Variants in CEP43 observed in about 807,000 individuals in gnomAD.
CEP43 encodes the protein centrosomal protein 43, also known as FGFR1 oncogene partner.
In CEP43, 36 loss-of-function variants were observed where a neutral mutation model predicts 52.6. That is an observed-to-expected ratio of 0.68 (90% CI 0.52 to 0.90). CEP43 has a LOEUF of 0.90. Ranked by LOEUF, CEP43 falls within the 40% of genes least tolerant of loss-of-function variation. CEP43 has a pLI of 0.00. For missense variants in CEP43, 506 were observed against 472.8 expected, an observed-to-expected ratio of 1.07 and a Z score of -0.65; for synonymous variants, 192 against 172.4, an observed-to-expected ratio of 1.11 and a Z score of -0.89.
intron 1 of CEP43, chr6:166,999,720 G>A (rs1172665958): frequency 6.2e-6 from 3 of 481,572 alleles, no homozygotes; most frequent in South Asian, 3.6e-5. Context: ...GGAGGGCACC[G>A]CGGACTGGGG....
chr6:167,051,584 A>G lies in CEP43; in HGVS notation c.*11606A>G, dbSNP rs1352502841. ...ATGTATTTATTCCTTTAGTTCTGTC[A>G]TGTTCTGCTTCTTATATTTTGGAAC... is the stretch of plus-strand genomic sequence containing the variant. On this transcript the variant is annotated 3_prime_UTR_variant, in exon 13 of 13. Transcript: ENST00000366847. 1.3e-5 allele frequency: 2 copies of G among 152,152 alleles called. No individual in the cohort carries two copies. The highest frequency in any genetic ancestry group is 2.9e-5 in the Non-Finnish European group (2 of 68,022). 9.4% of individuals were successfully genotyped at this position (152,152 alleles called of 1,614,324 possible).
intron 5 of CEP43, among the ~76,000 whole-genome samples, chr6:167,007,321 C>T (rs112120489): frequency 3.3e-5 from 5 of 152,120 alleles, no homozygotes; most frequent in Non-Finnish European, 7.4e-5. Context: ...TTTGAGGCCT[C>T]CCCTGAAGTT....
chr6:167,009,816 A>G (rs1416292904), intron 5 of CEP43, among the ~76,000 whole-genome samples: 1 of 152,004 alleles, frequency 6.6e-6, no homozygotes, highest in Non-Finnish European at 1.5e-5. Context: ...AGCCTGGGTA[A>G]CAGAGTGAGA....
At chr6:167,026,669 G>A in intron 10 of CEP43, 54 bp downstream of exon 10, 1 of 1,134,658 alleles carries the variant, frequency 8.8e-7, no homozygotes, top group Non-Finnish European at 1.3e-6. Context: ...TATTTTTAGG[G>A]TAAGGCTGTA....
At position 167,013,150 on chromosome 6, in the gene CEP43, G is replaced by A. The variant is rs113021167; in HGVS notation, c.520-358G>A. 3.6e-3 allele frequency among the ~76,000 whole-genome samples: 547 copies of A among 152,266 alleles called. 5 individuals are homozygous for A. Among genetic ancestry groups the A allele is most frequent in the African/African-American group, 0.013 (530 of 41,546 alleles). ...CCAGCTTTGTGTGCTCCTGAGAAAG[G>A]TCAGATGAGGTCAGGACAAGTCTTC... is the stretch of plus-strand genomic sequence containing the variant. On this transcript the variant is annotated intron_variant, in intron 6 of 12. Transcript: ENST00000366847.
At chr6:167,022,303 G>GTA in intron 7 of CEP43, 106 bp from the exon 8 acceptor site, 1 of 647,716 alleles carries the variant, frequency 1.5e-6, no homozygotes, top group East Asian at 2.8e-5. Flanking sequence ...CACAAAGGTT[G>GTA]CACACACACA....
At chr6:167,023,505 T>C (rs1040978963) in intron 8 of CEP43, among the ~76,000 whole-genome samples, 4 of 152,194 alleles carry the variant, frequency 2.6e-5, no homozygotes, top group African/African-American at 9.7e-5. Flanking sequence ...TGGAGGCCCC[T>C]GTTGCTGTGC....
intron 10 of CEP43, 21 bp from the exon 11 acceptor site, chr6:167,032,582 A>G (rs1780492600): frequency 4.5e-6 from 7 of 1,558,410 alleles, no homozygotes; most frequent in African/African-American, 1.4e-5. Flanking sequence ...GATATAACAT[A>G]TCTTTTCTTA....
At chr6:167,006,633 T>A (rs1300620379) in intron 5 of CEP43, among the ~76,000 whole-genome samples, 1 of 152,252 alleles carries the variant, frequency 6.6e-6, no homozygotes, top group East Asian at 1.9e-4. Flanking sequence ...TTGAAGTACA[T>A]AAGTTATATG....
At chr6:167,007,601 A>G (rs1194464158) in intron 5 of CEP43, among the ~76,000 whole-genome samples, 2 of 151,292 alleles carry the variant, frequency 1.3e-5, no homozygotes, top group African/African-American at 4.9e-5. Flanking sequence ...AGTGTTTTCT[A>G]TTACTTTGGA....
chr6:167,002,129 A>G (rs893758125), intron 2 of CEP43, among the ~76,000 whole-genome samples: 8 of 152,170 alleles, frequency 5.3e-5, no homozygotes, highest in African/African-American at 1.7e-4. Flanking sequence ...GATCATCACA[A>G]TCAAGGTACT....
intron 5 of CEP43, among the ~76,000 whole-genome samples, chr6:167,009,197 G>A (rs1562524624): frequency 6.6e-6 from 1 of 152,014 alleles, no homozygotes; most frequent in Admixed American, 6.5e-5. Flanking sequence ...TACGAGACCA[G>A]CCTGGCCAAC....
chr6:167,026,412 AT>A lies in CEP43; in HGVS notation c.920-129del. 4.6e-6 allele frequency: 3 copies of A among 656,092 alleles called. No individual in the cohort carries two copies. In the Admixed American group the frequency reaches 7.7e-5, roughly 17 times the overall value. 40.6% of individuals were successfully genotyped at this position (656,092 alleles called of 1,614,324 possible). A position where few individuals can be genotyped will look rare whatever the true frequency, so the allele number is the denominator to read the frequency against. ...CTTAAGCGTTCATTAATCACAGTTT[AT>A]TTTTTCCTTAGTTTTAGGTTATTAT... On this transcript the variant is annotated intron_variant, in intron 9 of 12. Coordinates refer to ENST00000366847, the MANE Select transcript of CEP43 (RefSeq NM_007045.4).
At chr6:167,035,231 T>A (rs1780558125) in intron 12 of CEP43, among the ~76,000 whole-genome samples, 1 of 152,210 alleles carries the variant, frequency 6.6e-6, no homozygotes, top group Non-Finnish European at 1.5e-5. Flanking sequence ...GCCATTTACA[T>A]AGATTGGACT....
At chr6:167,034,374 A>T (rs935259803) in intron 12 of CEP43, among the ~76,000 whole-genome samples, 2 of 152,258 alleles carry the variant, frequency 1.3e-5, no homozygotes, top group African/African-American at 4.8e-5. Context: ...CAGTTGTGAC[A>T]TCTGAACAGG....
intron 12 of CEP43, among the ~76,000 whole-genome samples, chr6:167,038,010 T>C (rs1418549150): frequency 6.6e-6 from 1 of 152,216 alleles, no homozygotes; most frequent in Non-Finnish European, 1.5e-5. Flanking sequence ...CAGCTGTCAG[T>C]GGGACCTGCC....
At chr6:166,999,563 T>G (rs1779676386) in intron 1 of CEP43, 49 bp downstream of exon 1, 20 of 1,272,334 alleles carry the variant, frequency 1.6e-5, no homozygotes, top group Non-Finnish European at 1.9e-5. Context: ...AGGGCTTGCG[T>G]GGACAGCGGG....
chr6:167,037,227 T>C (rs1228191906), intron 12 of CEP43, among the ~76,000 whole-genome samples: 1 of 152,256 alleles, frequency 6.6e-6, no homozygotes, highest in Non-Finnish European at 1.5e-5. Flanking sequence ...ATTGTGGTCT[T>C]TTCTTTGCCT....
At chr6:167,003,409 C>T (rs1779782388) in intron 3 of CEP43, 162 bp downstream of exon 3, 8 of 507,446 alleles carry the variant, frequency 1.6e-5, no homozygotes, top group South Asian at 6.7e-5. Flanking sequence ...GTTGCTATTA[C>T]ATATTTTTGG....
Sources: gnomAD v4.1 joint callset for allele counts (sites outside exome capture counted in the v4.1 genomes callset) on GRCh38, gnomAD v4.1.1 for gene constraint, MANE v1.5 for transcripts, NCBI Gene and HGNC (gene_info 2026-07-23, HGNC 2026-07-21) for gene names.